The following ATP6V1E1 variants were observed in gnomAD, a reference collection of about 807,000 sequenced individuals.
ATP6V1E1 encodes the protein ATPase H+ transporting V1 subunit E1.
Under a neutral mutation model 35.2 loss-of-function variants are expected in ATP6V1E1, and 21 were observed. The observed-to-expected ratio is 0.60, with a 90% CI of 0.42 to 0.86. The LOEUF (loss-of-function observed/expected upper bound fraction) is 0.86, where lower values mean the gene tolerates loss of function less well. ATP6V1E1 is among the 40% of genes least tolerant of loss of function. The probability of loss-of-function intolerance (pLI) is 0.00; values close to 1 mark genes in which losing one functional copy is unlikely to be tolerated. For missense variants in ATP6V1E1, 183 were observed against 272.6 expected, an observed-to-expected ratio of 0.67 and a Z score of 2.32; for synonymous variants, 83 against 87.8, an observed-to-expected ratio of 0.95 and a Z score of 0.30.
chr22:17,628,518 A>AG, intron 1 of ATP6V1E1, 85 bp downstream of exon 1: 1 of 1,587,048 alleles, frequency 6.3e-7, no homozygotes, highest in South Asian at 1.1e-5. Flanking sequence ...GGGCGGCTCA[A>AG]GGCCCGCGGC....
At position 17,628,638 on chromosome 22, in the gene ATP6V1E1, C is replaced by G; in HGVS notation, c.-3G>C. The G allele has an allele frequency of 6.2e-7, 1 of 1,614,144 alleles. No homozygotes were observed. Among genetic ancestry groups the G allele is most frequent in the Non-Finnish European group, 8.5e-7 (1 of 1,180,036 alleles). ...ACGTCAGCATCGCTGAGAGCCATGGCGAGAGCAATGCTAGGCCGGTGAACA... is the reference window on the plus strand; with the variant it reads ...ACGTCAGCATCGCTGAGAGCCATGGGGAGAGCAATGCTAGGCCGGTGAACA... On this transcript the variant is annotated 5_prime_UTR_variant, in exon 1 of 9. Coordinates refer to ENST00000253413, the MANE Select transcript of ATP6V1E1 (RefSeq NM_001696.4).
At chr22:17,596,768 G>A (rs2057734474) in intron 7 of ATP6V1E1, among the ~76,000 whole-genome samples, 1 of 151,964 alleles carries the variant, frequency 6.6e-6, no homozygotes, top group South Asian at 2.1e-4. Context: ...CATTTACAGA[G>A]CATTTTCACA....
intron 4 of ATP6V1E1, among the ~76,000 whole-genome samples, chr22:17,611,430 T>C (rs1396781985): frequency 6.6e-6 from 1 of 152,228 alleles, no homozygotes. Flanking sequence ...GGGCAACTTT[T>C]ATTATTTGAA....
intron 2 of ATP6V1E1, among the ~76,000 whole-genome samples, chr22:17,614,930 G>C (rs1317313667): frequency 6.6e-6 from 1 of 151,108 alleles, no homozygotes; most frequent in Non-Finnish European, 1.5e-5. Context: ...GATCGCGCCT[G>C]GGCAGCAGAG....
chr22:17,627,229 G>A (rs1470489976), intron 1 of ATP6V1E1, among the ~76,000 whole-genome samples: 2 of 151,766 alleles, frequency 1.3e-5, no homozygotes, highest in Non-Finnish European at 2.9e-5. Flanking sequence ...CCGGGTTCAC[G>A]CCATTCTCCT....
Position 17,601,127 on chromosome 22 carries a change from T to C in ATP6V1E1, c.331A>G (p.Arg111Gly). Reference sequence around the variant, plus strand: ...AGTCCATCCAGCAGCACTTGGTACCTGGTTGTATCTTTTACCACCTTGCTG... The same window carrying C: ...AGTCCATCCAGCAGCACTTGGTACCCGGTTGTATCTTTTACCACCTTGCTG... ...RLSKVVKDTT[R>G]YQVLLDGLVL... Residue 111 changes from arginine to glycine, a missense_variant, in exon 5 of 9, where the codon AGG becomes GGG. Transcript: ENST00000253413. 1 of 1,613,750 alleles carries C rather than the reference T, an allele frequency of 6.2e-7. No individual in the cohort carries two copies. Among genetic ancestry groups the C allele is most frequent in the African/African-American group, 1.3e-5 (1 of 75,052 alleles).
intron 1 of ATP6V1E1, among the ~76,000 whole-genome samples, chr22:17,621,096 G>A (rs895973979): frequency 2.6e-5 from 4 of 151,780 alleles, no homozygotes; most frequent in African/African-American, 7.3e-5. Flanking sequence ...TGCCCACCTC[G>A]CTCCATCATC....
Position 17,628,683 on chromosome 22 carries a change from T to A in ATP6V1E1, c.-48A>T. ...TGAACAGTAGGCTCGAGTTTAGGTT[T>A]GAAAGGTGAGGTGAGAGAAATCGGC... On this transcript the variant is annotated 5_prime_UTR_variant, in exon 1 of 9. Coordinates refer to ENST00000253413, the MANE Select transcript of ATP6V1E1 (RefSeq NM_001696.4). 6.2e-7 allele frequency: 1 copy of A among 1,613,302 alleles called. No individual in the cohort carries two copies. Among genetic ancestry groups the A allele is most frequent in the Non-Finnish European group, 8.5e-7 (1 of 1,179,392 alleles).
At chr22:17,612,407 G>A (rs984732421) in intron 4 of ATP6V1E1, among the ~76,000 whole-genome samples, 6 of 151,996 alleles carry the variant, frequency 3.9e-5, no homozygotes, top group African/African-American at 1.2e-4. Context: ...TAGCCTGCAC[G>A]CTTATATCAT....
intron 2 of ATP6V1E1, among the ~76,000 whole-genome samples, chr22:17,615,294 C>G (rs931517986): frequency 1.5e-4 from 22 of 151,712 alleles, no homozygotes; most frequent in African/African-American, 5.1e-4. Flanking sequence ...GAGCAAGACT[C>G]CATCCAAAAA....
Position 17,592,802 on chromosome 22 carries a change from T to TC in ATP6V1E1, c.619-67_619-66insG, listed in dbSNP as rs200054837. On this transcript the variant is annotated intron_variant, in intron 8 of 8. Coordinates refer to ENST00000253413, the MANE Select transcript of ATP6V1E1 (RefSeq NM_001696.4). ...AGAAGTTGTAGAGCGCTGCACATCT[T>TC]TTTTTTTTTTTTTTTTTTGAGACGG... 7 of 409,558 alleles carry TC rather than the reference T, an allele frequency of 1.7e-5. No individual in the cohort carries two copies. The African/African-American group carries it at 2.8e-4, about 16-fold the overall frequency. 25.4% of individuals were successfully genotyped at this position (409,558 alleles called of 1,614,324 possible).
intron 1 of ATP6V1E1, among the ~76,000 whole-genome samples, chr22:17,623,060 C>T (rs2057885999): frequency 6.6e-6 from 1 of 152,176 alleles, no homozygotes; most frequent in Non-Finnish European, 1.5e-5. Flanking sequence ...AGCCACCCTA[C>T]TTTTCTTTTT....
intron 4 of ATP6V1E1, among the ~76,000 whole-genome samples, chr22:17,611,648 T>G (rs925302741): frequency 1.3e-4 from 20 of 152,320 alleles, no homozygotes; most frequent in African/African-American, 4.8e-4. Flanking sequence ...GCATCTTGAC[T>G]TCCCATTTTT....
chr22:17,614,971 T>A (rs1052289620), intron 2 of ATP6V1E1, among the ~76,000 whole-genome samples: 2 of 149,930 alleles, frequency 1.3e-5, no homozygotes, highest in Non-Finnish European at 2.9e-5. Context: ...AAAAAAAATT[T>A]TTTTTCCCTC....
intron 5 of ATP6V1E1, 62 bp from the exon 6 acceptor site, chr22:17,600,157 G>A (rs570084386): frequency 1.6e-5 from 23 of 1,453,530 alleles, no homozygotes; most frequent in African/African-American, 7.0e-5. Flanking sequence ...GAAACAGGTC[G>A]GGCACAGTGG....
At chr22:17,598,121 T>G in intron 7 of ATP6V1E1, 73 bp downstream of exon 7, 1 of 1,203,886 alleles carries the variant, frequency 8.3e-7, no homozygotes, top group Non-Finnish European at 1.2e-6. Flanking sequence ...AAATACCATT[T>G]AAAAAAGGCC....
intron 4 of ATP6V1E1, among the ~76,000 whole-genome samples, chr22:17,602,254 A>T (rs769305070): frequency 1.8e-4 from 27 of 152,176 alleles, no homozygotes; most frequent in Non-Finnish European, 2.9e-4. Flanking sequence ...TCCAATAAAC[A>T]CTGGCTTCTA....
chr22:17,618,573 T>C (rs911451182), intron 2 of ATP6V1E1, among the ~76,000 whole-genome samples: 2 of 149,310 alleles, frequency 1.3e-5, no homozygotes, highest in Non-Finnish European at 3.0e-5. Flanking sequence ...TCCCAGCTAC[T>C]CGGGAGGCTC....
chr22:17,621,011 G>A (rs2057874119), intron 1 of ATP6V1E1, among the ~76,000 whole-genome samples: 2 of 152,130 alleles, frequency 1.3e-5, no homozygotes, highest in Admixed American at 6.5e-5. Flanking sequence ...GCAGTGAGCC[G>A]AGATCGCGCC....
Sources: gnomAD v4.1 joint callset for allele counts (sites outside exome capture counted in the v4.1 genomes callset) on GRCh38, gnomAD v4.1.1 for gene constraint, MANE v1.5 for transcripts, NCBI Gene and HGNC (gene_info 2026-07-23, HGNC 2026-07-21) for gene names.